DLG2: variants seen among roughly 807,000 people sequenced by gnomAD.
The protein encoded by DLG2 is disks large homolog 2.
DLG2 carries 45 observed loss-of-function variants against 132.5 expected under a neutral mutation model. The ratio of observed to expected loss-of-function variants is 0.34; its 90% CI spans 0.27 to 0.44. The LOEUF (loss-of-function observed/expected upper bound fraction) is 0.44. DLG2 is among the 20% of genes least tolerant of loss of function. The pLI, the probability that DLG2 is intolerant of heterozygous loss-of-function variation, is 1.00. For synonymous variants in DLG2, 424 were observed against 419.6 expected (o/e 1.01, Z -0.13); for missense variants, 1,045 against 1,196.9 (o/e 0.87, Z 1.87).
At chr11:85,524,452 T>C (rs1311569431) in intron 3 of DLG2, among the ~76,000 whole-genome samples, 2 of 152,112 alleles carry the variant, frequency 1.3e-5, no homozygotes, top group African/African-American at 4.8e-5. Context: ...TTAAACAGTA[T>C]ATTGAGTTAA....
intron 11 of DLG2, among the ~76,000 whole-genome samples, chr11:84,032,657 A>G (rs2095736223): frequency 6.6e-6 from 1 of 152,184 alleles, no homozygotes; most frequent in Non-Finnish European, 1.5e-5. Context: ...ATATTAAACA[A>G]CAGATTTTCG....
chr11:84,359,961 A>C (rs2098640173), intron 7 of DLG2, among the ~76,000 whole-genome samples: 1 of 151,934 alleles, frequency 6.6e-6, no homozygotes, highest in African/African-American at 2.4e-5. Context: ...ACTAGAGAAA[A>C]AAATAGCTTC....
intron 17 of DLG2, among the ~76,000 whole-genome samples, chr11:83,825,517 G>A (rs1392116265): frequency 2.6e-5 from 4 of 151,846 alleles, no homozygotes; most frequent in African/African-American, 9.7e-5. Flanking sequence ...TTATACAGCC[G>A]GATTCTATGT....
intron 3 of DLG2, among the ~76,000 whole-genome samples, chr11:85,374,185 G>T (rs184045303): frequency 6.0e-4 from 92 of 152,202 alleles, no homozygotes; most frequent in African/African-American, 2.1e-3. Flanking sequence ...AACTTTATTG[G>T]TGGTGTAAGT....
rs1034603678 is a variant in DLG2 at position 84,299,604 on chromosome 11, G to A, written c.520-48313C>T. 3.3e-5 allele frequency among the ~76,000 whole-genome samples: 5 copies of A among 152,114 alleles called. 1 individual carries two copies. The highest frequency in any genetic ancestry group is 6.5e-5 in the Admixed American group (1 of 15,270). On this transcript the variant is annotated intron_variant, in intron 7 of 27. Coordinates refer to ENST00000376104, the MANE Select transcript of DLG2 (RefSeq NM_001142699.3). ...AAGAGCAAGAAAGAAGAAGAATGAT[G>A]AAAATAGACTGAAGGCTCTGAGTGA...
intron 3 of DLG2, among the ~76,000 whole-genome samples, chr11:85,399,286 C>T (rs917661114): frequency 6.6e-6 from 1 of 152,138 alleles, no homozygotes; most frequent in African/African-American, 2.4e-5. Flanking sequence ...AAAGAGGACA[C>T]AAACAAACGA....
At chr11:83,844,561 A>AAAAG (rs1292692558) in intron 16 of DLG2, among the ~76,000 whole-genome samples, 2 of 148,390 alleles carry the variant, frequency 1.3e-5, no homozygotes, top group African/African-American at 5.0e-5. Flanking sequence ...AAAAAAAAAA[A>AAAAG]AAAAAAAAAG....
chr11:85,173,548 A>G (rs1182544561), intron 4 of DLG2, among the ~76,000 whole-genome samples: 1 of 152,174 alleles, frequency 6.6e-6, no homozygotes, highest in African/African-American at 2.4e-5. Flanking sequence ...GACCAGTGCC[A>G]CTATGAAGTA....
At chr11:84,212,792 G>T (rs1043930716) in intron 8 of DLG2, among the ~76,000 whole-genome samples, 1 of 152,130 alleles carries the variant, frequency 6.6e-6, no homozygotes, top group African/African-American at 2.4e-5. Flanking sequence ...CCGAGTAGCT[G>T]GGACTATAGG....
At chr11:84,908,239 A>G (rs1346249170) in intron 6 of DLG2, among the ~76,000 whole-genome samples, 1 of 152,216 alleles carries the variant, frequency 6.6e-6, no homozygotes, top group Non-Finnish European at 1.5e-5. Flanking sequence ...TTAATACTAC[A>G]TTTTATATAA....
intron 2 of DLG2, among the ~76,000 whole-genome samples, chr11:85,621,535 A>C (rs2081702675): frequency 6.6e-6 from 1 of 152,234 alleles, no homozygotes; most frequent in African/African-American, 2.4e-5. Context: ...GAGGAGGTCA[A>C]AATATCAACA....
intron 6 of DLG2, among the ~76,000 whole-genome samples, chr11:84,928,982 G>GTGTGTGTATATATATATA (rs1400906684): frequency 7.3e-4 from 36 of 49,104 alleles, no homozygotes; most frequent in South Asian, 2.6e-3. Context: ...GTGTGTGTGT[G>GTGTGTGTATATATATATA]TATATATATA....
intron 14 of DLG2, among the ~76,000 whole-genome samples, chr11:83,957,368 A>G (rs760707633): frequency 3.3e-5 from 5 of 152,346 alleles, no homozygotes; most frequent in African/African-American, 1.2e-4. Flanking sequence ...TCAGTAGTCA[A>G]AACAGTCTGA....
At chr11:83,548,824 T>G (rs944145248) in intron 19 of DLG2, among the ~76,000 whole-genome samples, 1 of 152,134 alleles carries the variant, frequency 6.6e-6, no homozygotes, top group African/African-American at 2.4e-5. Context: ...TCTCTAAAAT[T>G]GCAAATCACT....
At chr11:85,607,824 G>T (rs1002045626) in intron 2 of DLG2, among the ~76,000 whole-genome samples, 17 of 152,222 alleles carry the variant, frequency 1.1e-4, no homozygotes, top group Non-Finnish European at 2.4e-4. Flanking sequence ...CAATTCTGGA[G>T]ATCCCTCCCC....
At chr11:83,747,631 C>T (rs2093015616) in intron 18 of DLG2, among the ~76,000 whole-genome samples, 1 of 152,146 alleles carries the variant, frequency 6.6e-6, no homozygotes, top group African/African-American at 2.4e-5. Context: ...ACTATCCACA[C>T]ATCTTGGCCT....
chr11:84,612,370 A>G (rs961809088), intron 6 of DLG2, among the ~76,000 whole-genome samples: 3 of 152,112 alleles, frequency 2.0e-5, no homozygotes, highest in African/African-American at 7.2e-5. Flanking sequence ...TCTATTACAA[A>G]TAAAATACTA....
At chr11:84,925,642 A>G (rs564646351) in intron 6 of DLG2, among the ~76,000 whole-genome samples, 2 of 152,288 alleles carry the variant, frequency 1.3e-5, no homozygotes, top group African/African-American at 2.4e-5. Context: ...AACATTTGCT[A>G]TAGTAGAAGA....
At chr11:84,007,412 T>C (rs898830042) in intron 11 of DLG2, among the ~76,000 whole-genome samples, 2 of 151,724 alleles carry the variant, frequency 1.3e-5, no homozygotes, top group East Asian at 1.9e-4. Context: ...ATCTATTTTA[T>C]TGCAACTAAA....
Sources: allele counts gnomAD v4.1 joint callset (sites outside exome capture counted in the v4.1 genomes callset), GRCh38; gene constraint gnomAD v4.1.1; transcripts MANE v1.5; gene names NCBI Gene and HGNC (gene_info 2026-07-23, HGNC 2026-07-21).